Variants in ALDH1A2 observed in about 807,000 individuals in gnomAD.
ALDH1A2 encodes aldehyde dehydrogenase 1 family member A2.
In ALDH1A2, 27 loss-of-function variants were observed where a neutral mutation model predicts 60.3. The observed-to-expected ratio is 0.45, with a 90% CI of 0.33 to 0.62. The LOEUF is 0.62. ALDH1A2 is among the 20% of genes least tolerant of loss of function. The pLI, the probability that ALDH1A2 is intolerant of heterozygous loss-of-function variation, is 0.02. For missense variants in ALDH1A2, 581 were observed against 643.8 expected, an observed-to-expected ratio of 0.90 and a Z score of 1.06; for synonymous variants, 289 against 232.4, an observed-to-expected ratio of 1.24 and a Z score of -2.21.
At chr15:57,995,237 C>G in intron 4 of ALDH1A2, 98 bp from the exon 5 acceptor site, 1 of 471,946 alleles carries the variant, frequency 2.1e-6, no homozygotes, top group East Asian at 4.5e-5. Context: ...AAAAAAAAAA[C>G]AAACAGAAAT....
At chr15:58,013,578 C>G (rs963272324) in intron 3 of ALDH1A2, among the ~76,000 whole-genome samples, 1 of 151,978 alleles carries the variant, frequency 6.6e-6, no homozygotes, top group South Asian at 2.1e-4. Flanking sequence ...ATAGTGAAAC[C>G]CCGTCTCTAC....
chr15:57,987,573 A>AAGTT lies in ALDH1A2; in HGVS notation c.798+5128_798+5131dup, dbSNP rs536170618. ...ATTAGAATTTTATATCCAGAAAAAAAAGTTAGTTATTAAAAAGTGAAGACA... is the reference window on the plus strand; with the variant it reads ...ATTAGAATTTTATATCCAGAAAAAAAAGTTAGTTAGTTATTAAAAAGTGAAGACA... On this transcript the variant is annotated intron_variant, in intron 7 of 12. Coordinates refer to ENST00000249750, the MANE Select transcript of ALDH1A2 (RefSeq NM_003888.4). Among the ~76,000 whole-genome samples, 636 of 152,300 alleles carry AAGTT rather than the reference A, an allele frequency of 4.2e-3. 2 individuals carry two copies. The highest frequency in any genetic ancestry group is 0.014 in the Middle Eastern group (4 of 294).
At chr15:58,013,743 C>T in intron 3 of ALDH1A2, 115 bp downstream of exon 3, 5 of 1,392,022 alleles carry the variant, frequency 3.6e-6, no homozygotes, top group Non-Finnish European at 4.8e-6. Context: ...CAGAGCTAGA[C>T]TCCGTCTCAA....
At chr15:58,033,151 T>C (rs1391223183) in intron 1 of ALDH1A2, among the ~76,000 whole-genome samples, 1 of 152,014 alleles carries the variant, frequency 6.6e-6, no homozygotes. Context: ...ACTTAAGTGA[T>C]GGACACCTTT....
intron 1 of ALDH1A2, among the ~76,000 whole-genome samples, chr15:58,040,450 C>T (rs1328558253): frequency 1.3e-5 from 2 of 151,984 alleles, no homozygotes; most frequent in Admixed American, 6.6e-5. Context: ...ATACAACGAA[C>T]GTTATGAGGG....
intron 1 of ALDH1A2, among the ~76,000 whole-genome samples, chr15:58,064,993 T>C (rs1355802741): frequency 1.3e-5 from 2 of 152,266 alleles, no homozygotes; most frequent in Non-Finnish European, 2.9e-5. Context: ...ACTGTACTTA[T>C]CAGTCAGGTT....
chr15:57,959,321 AGAAGGT>A (rs1204622788), intron 12 of ALDH1A2, among the ~76,000 whole-genome samples: 1 of 152,170 alleles, frequency 6.6e-6, no homozygotes, highest in African/African-American at 2.4e-5. Context: ...AAGTGGAAGC[AGAAGGT>A]GAAGGTCAAA....
intron 1 of ALDH1A2, among the ~76,000 whole-genome samples, chr15:58,019,584 T>G (rs1037512855): frequency 1.2e-4 from 18 of 152,206 alleles, no homozygotes; most frequent in African/African-American, 4.1e-4. Context: ...TAACCGAAGG[T>G]AAAAAGAACA....
At chr15:58,005,384 A>G (rs1377863478) in intron 4 of ALDH1A2, among the ~76,000 whole-genome samples, 1 of 48,794 alleles carries the variant, frequency 2.0e-5, no homozygotes, top group Admixed American at 3.5e-4. Flanking sequence ...CATCTTAGTT[A>G]TTTGCCTTTG....
intron 1 of ALDH1A2, among the ~76,000 whole-genome samples, chr15:58,026,559 T>C (rs12914414): frequency 0.5 from 76,062 of 152,068 alleles, 19,589 homozygotes; most frequent in Non-Finnish European, 0.57. Context: ...CAACGCAGGG[T>C]GGGACATCAC....
At chr15:57,967,984 G>A (rs747912439) in intron 7 of ALDH1A2, among the ~76,000 whole-genome samples, 4 of 152,144 alleles carry the variant, frequency 2.6e-5, no homozygotes, top group Non-Finnish European at 4.4e-5. Flanking sequence ...AACTCACACC[G>A]AAGGGCAACT....
intron 7 of ALDH1A2, among the ~76,000 whole-genome samples, chr15:57,988,503 T>G (rs1245364370): frequency 2.0e-5 from 3 of 152,014 alleles, no homozygotes; most frequent in African/African-American, 7.2e-5. Context: ...ACACGAAGAG[T>G]AGATATTATT....
intron 5 of ALDH1A2, among the ~76,000 whole-genome samples, chr15:57,994,404 C>T (rs35636428): frequency 0.014 from 2,131 of 152,226 alleles, 24 homozygotes; most frequent in African/African-American, 0.033. Context: ...TAAGAGTTTA[C>T]TTTGAGCATC....
intron 12 of ALDH1A2, among the ~76,000 whole-genome samples, chr15:57,956,026 G>A (rs1220357550): frequency 6.6e-6 from 1 of 152,168 alleles, no homozygotes; most frequent in Non-Finnish European, 1.5e-5. Context: ...TGTTCACAGA[G>A]CCCCTTGTTC....
At chr15:58,029,601 G>A (rs535046765) in intron 1 of ALDH1A2, among the ~76,000 whole-genome samples, 140 of 146,676 alleles carry the variant, frequency 9.5e-4, no homozygotes, top group Non-Finnish European at 1.3e-3. Context: ...AAAAAAAATC[G>A]ATGAATCCAG....
intron 1 of ALDH1A2, among the ~76,000 whole-genome samples, chr15:58,028,948 A>T (rs1479034721): frequency 2.0e-5 from 3 of 152,136 alleles, no homozygotes; most frequent in African/African-American, 7.2e-5. Flanking sequence ...CACAATAATA[A>T]TGGGAGACTT....
intron 1 of ALDH1A2, among the ~76,000 whole-genome samples, chr15:58,064,692 G>A (rs1370274595): frequency 1.3e-5 from 2 of 151,970 alleles, no homozygotes; most frequent in Non-Finnish European, 2.9e-5. Flanking sequence ...CCCTCAAAAT[G>A]TTGTAACATT....
chr15:57,962,584 A>G (rs1384500597), intron 9 of ALDH1A2, among the ~76,000 whole-genome samples: 1 of 152,000 alleles, frequency 6.6e-6, no homozygotes, highest in African/African-American at 2.4e-5. Flanking sequence ...CAGCCTTTTT[A>G]GATAGTGCTA....
At chr15:57,994,127 G>C (rs1320798831) in intron 5 of ALDH1A2, among the ~76,000 whole-genome samples, 1 of 152,212 alleles carries the variant, frequency 6.6e-6, no homozygotes, top group African/African-American at 2.4e-5. Context: ...GGCAAGAAAA[G>C]TAAGTTTGAA....
Sources: allele counts gnomAD v4.1 joint callset (sites outside exome capture counted in the v4.1 genomes callset), GRCh38; gene constraint gnomAD v4.1.1; transcripts MANE v1.5; gene names NCBI Gene and HGNC (gene_info 2026-07-23, HGNC 2026-07-21).